The following CUL2 variants were observed in gnomAD, a reference collection of about 807,000 sequenced individuals.
CUL2 encodes the protein cullin-2.
Under a neutral mutation model 110.2 loss-of-function variants are expected in CUL2, and 22 were observed. The ratio of observed to expected loss-of-function variants is 0.20; its 90% CI spans 0.14 to 0.28. The LOEUF (loss-of-function observed/expected upper bound fraction) is 0.28, where lower values mean the gene tolerates loss of function less well. Among genes scored for constraint, CUL2 ranks in the 10% least tolerant of loss-of-function variants. CUL2 has a pLI of 1.00. For synonymous variants in CUL2, 279 were observed against 293.2 expected (o/e 0.95, Z 0.49); for missense variants, 631 against 905.5 (o/e 0.70, Z 3.89).
chr10:35,073,225 T>G (rs939492129), intron 1 of CUL2, among the ~76,000 whole-genome samples: 1 of 152,168 alleles, frequency 6.6e-6, no homozygotes, highest in Non-Finnish European at 1.5e-5. Flanking sequence ...CCGAACTATC[T>G]ATAACGGATT....
At chr10:35,056,904 C>T (rs1228016482) in intron 4 of CUL2, among the ~76,000 whole-genome samples, 3 of 152,184 alleles carry the variant, frequency 2.0e-5, no homozygotes, top group Non-Finnish European at 2.9e-5. Context: ...TCCTGTCTTC[C>T]TAAAGTATGC....
chr10:35,111,317 T>C (rs537647227), intron 1 of CUL2, among the ~76,000 whole-genome samples: 17 of 152,036 alleles, frequency 1.1e-4, no homozygotes, highest in South Asian at 1.0e-3. Context: ...AGTGGTACAA[T>C]TGTGGCTCAC....
upstream of CUL2, among the ~76,000 whole-genome samples, chr10:35,093,266 A>G (rs878891004): frequency 6.6e-6 from 1 of 151,934 alleles, no homozygotes; most frequent in Non-Finnish European, 1.5e-5. Context: ...CCTTGGGTCA[A>G]TTAAACACTT....
At chr10:35,117,528 C>CTTTTTTTTTT (rs5784440) in intron 1 of CUL2, among the ~76,000 whole-genome samples, 1 of 138,330 alleles carries the variant, frequency 7.2e-6, no homozygotes, top group Admixed American at 7.4e-5. Flanking sequence ...CTGCAACTGG[C>CTTTTTTTTTT]TTTTTTTTTT....
At chr10:35,101,119 C>T (rs944779976) in intron 1 of CUL2, 1 of 152,196 alleles carries the variant, frequency 6.6e-6, no homozygotes, top group African/African-American at 2.4e-5. Context: ...TGTGGGAATA[C>T]AGGAACCTTA....
At chr10:35,047,499 A>G (rs1358261159) in intron 6 of CUL2, among the ~76,000 whole-genome samples, 1 of 151,172 alleles carries the variant, frequency 6.6e-6, no homozygotes, top group Non-Finnish European at 1.5e-5. Flanking sequence ...AGTCCCAGCT[A>G]CTCGGGAGGC....
Position 35,044,497 on chromosome 10 carries a change from G to C in CUL2, c.714+69C>G, listed in dbSNP as rs1383832776. 1.1e-5 allele frequency: 10 copies of C among 944,796 alleles called. 1 individual carries two copies. Among genetic ancestry groups the C allele is most frequent in the Non-Finnish European group, 1.6e-5 (10 of 643,582 alleles). 58.5% of individuals were successfully genotyped at this position (944,796 alleles called of 1,614,324 possible). On this transcript the variant is annotated intron_variant, in intron 8 of 20. Coordinates refer to ENST00000374749, the MANE Select transcript of CUL2 (RefSeq NM_003591.4). ...CCAAGAAACAAAACAAGAAAACTAAGAACGATGTTAAATAAAACCAGGCCA... is the reference window on the plus strand; with the variant it reads ...CCAAGAAACAAAACAAGAAAACTAACAACGATGTTAAATAAAACCAGGCCA...
At chr10:35,118,240 T>A (rs1408119531) in intron 1 of CUL2, 3 of 151,026 alleles carry the variant, frequency 2.0e-5, no homozygotes, top group African/African-American at 7.3e-5. Context: ...AAAGTTAGAG[T>A]TGGCCTTTTT....
At chr10:35,110,627 G>A (rs1455504760) in intron 1 of CUL2, among the ~76,000 whole-genome samples, 1 of 152,120 alleles carries the variant, frequency 6.6e-6, no homozygotes, top group Non-Finnish European at 1.5e-5. Context: ...GGGAGTCCAA[G>A]ATCAAGATGC....
intron 18 of CUL2, among the ~76,000 whole-genome samples, chr10:35,014,975 ATAAT>A (rs1253668804): frequency 2.6e-5 from 4 of 152,150 alleles, no homozygotes; most frequent in Admixed American, 6.5e-5. Context: ...ATTAGAAACC[ATAAT>A]TAATTAACCT....
At chr10:35,048,070 G>A (rs2085996970) in intron 6 of CUL2, among the ~76,000 whole-genome samples, 1 of 152,176 alleles carries the variant, frequency 6.6e-6, no homozygotes, top group South Asian at 2.1e-4. Context: ...GTAAAATGGT[G>A]ACACTAATAG....
At chr10:35,021,501 TA>T (rs1338016586) in intron 17 of CUL2, among the ~76,000 whole-genome samples, 1 of 150,984 alleles carries the variant, frequency 6.6e-6, no homozygotes, top group Non-Finnish European at 1.5e-5. Context: ...ATATAGATGA[TA>T]TTTCCATAAT....
chr10:35,047,505 G>A (rs1301237374), intron 6 of CUL2, among the ~76,000 whole-genome samples: 1 of 151,650 alleles, frequency 6.6e-6, no homozygotes, highest in East Asian at 1.9e-4. Context: ...AGCTACTCGG[G>A]AGGCTGAGGC....
intron 1 of CUL2, among the ~76,000 whole-genome samples, chr10:35,088,200 C>T (rs950731934): frequency 2.0e-5 from 3 of 152,126 alleles, no homozygotes; most frequent in Non-Finnish European, 2.9e-5. Context: ...AGAAGTGACA[C>T]TCCAAGAGGA....
At chr10:35,108,527 GA>G (rs1193444267) in intron 1 of CUL2, among the ~76,000 whole-genome samples, 2 of 152,004 alleles carry the variant, frequency 1.3e-5, no homozygotes, top group African/African-American at 4.8e-5. Context: ...AAGACAGGGA[GA>G]AATGAAAAAT....
chr10:35,116,144 A>T (rs148132300), intron 1 of CUL2, among the ~76,000 whole-genome samples: 1 of 152,060 alleles, frequency 6.6e-6, no homozygotes, highest in Admixed American at 6.6e-5. Context: ...GGAGTTTGAG[A>T]CTAGGCTGGC....
At chr10:35,092,931 C>G (rs1200472317), upstream of CUL2, among the ~76,000 whole-genome samples, 1 of 152,076 alleles carries the variant, frequency 6.6e-6, no homozygotes, top group African/African-American at 2.4e-5. Flanking sequence ...GGTCATGTGG[C>G]CAGAGGTCAC....
chr10:35,058,071 C>T (rs751114221), intron 4 of CUL2, among the ~76,000 whole-genome samples: 2 of 152,030 alleles, frequency 1.3e-5, no homozygotes, highest in Non-Finnish European at 1.5e-5. Flanking sequence ...GCACTCCAGC[C>T]GGGGAAACAG....
At chr10:35,115,985 A>T (rs1248653017) in intron 1 of CUL2, among the ~76,000 whole-genome samples, 3 of 152,144 alleles carry the variant, frequency 2.0e-5, no homozygotes, top group Non-Finnish European at 2.9e-5. Context: ...AAAAGATAAA[A>T]ATTACCAAGA....
Sources: gnomAD v4.1 joint callset for allele counts (sites outside exome capture counted in the v4.1 genomes callset) on GRCh38, gnomAD v4.1.1 for gene constraint, MANE v1.5 for transcripts, NCBI Gene and HGNC (gene_info 2026-07-23, HGNC 2026-07-21) for gene names.